The following ALPK3 variants were observed in gnomAD, a reference collection of about 807,000 sequenced individuals.
The protein encoded by ALPK3 is alpha kinase 3.
In ALPK3, 102 loss-of-function variants were observed where a neutral mutation model predicts 140.0. The ratio of observed to expected loss-of-function variants is 0.73; its 90% CI spans 0.62 to 0.86. ALPK3 has a LOEUF of 0.86. Ranked by LOEUF, ALPK3 falls within the 40% of genes least tolerant of loss-of-function variation. The pLI is 0.00. For missense variants in ALPK3, 2,254 were observed against 2,208.2 expected, an observed-to-expected ratio of 1.02 and a Z score of -0.42; for synonymous variants, 938 against 898.5, an observed-to-expected ratio of 1.04 and a Z score of -0.79.
In ALPK3 at chr15:84,858,072, G is replaced by T; in HGVS notation, c.3334G>T (p.Ala1112Ser). 1 of 1,569,394 alleles carries T rather than the reference G, an allele frequency of 6.4e-7. No homozygotes were observed. The highest frequency in any genetic ancestry group is 8.6e-7 in the Non-Finnish European group (1 of 1,160,948). ...GGGGGCCTCTCAGGAGAGCAGCATGGCTGGTCGACTGGGGGAGGCGGGTGG... is the reference window on the plus strand; with the variant it reads ...GGGGGCCTCTCAGGAGAGCAGCATGTCTGGTCGACTGGGGGAGGCGGGTGG... The part of the protein sequence containing the change: ...LLGASQESSM[A>S]GRLGEAGGQA... The change falls in exon 6 of 14, where the codon GCT (alanine) becomes TCT (serine). Residue 1112 changes from alanine to serine, a missense_variant. Physicochemically the swap from Ala to Ser is moderately conservative, Grantham distance 99. Coordinates refer to ENST00000258888, the MANE Select transcript of ALPK3 (RefSeq NM_020778.5).
chr15:84,840,156 C>A lies in ALPK3; in HGVS notation c.877C>A (p.Leu293Met), dbSNP rs377439661. ...ENGEDGEHGL[L>M]TYICDAMELG... ...TGGAGAGGACGGAGAGCATGGCTTG[C>A]TGACATACATCTGTGACGCCATGGA... The change falls in exon 5 of 14, where the codon CTG becomes ATG. Residue 293 changes from leucine to methionine, a missense_variant. Leu to Met is a conservative substitution (Grantham distance 15). Around this residue, in one of 3 missense-constraint regions of ALPK3, gnomAD observed 2,088 missense variants for 2,022.9 expected, o/e 1.03. Transcript: ENST00000258888. 2.4e-5 allele frequency: 39 copies of A among 1,613,674 alleles called. No homozygotes were observed. The highest frequency in any genetic ancestry group is 3.1e-5 in the Non-Finnish European group (37 of 1,179,914).
At chr15:84,865,179 G>T (rs1002034619) in intron 12 of ALPK3, among the ~76,000 whole-genome samples, 5 of 152,074 alleles carry the variant, frequency 3.3e-5, no homozygotes, top group African/African-American at 1.2e-4. Flanking sequence ...CCATTACCCA[G>T]AACTCCCCAA....
At position 84,856,471 on chromosome 15, in the gene ALPK3, C is replaced by T; in HGVS notation, c.1733C>T (p.Thr578Ile). 1 of 1,614,150 alleles carries T rather than the reference C, an allele frequency of 6.2e-7. No individual in the cohort carries two copies. Among genetic ancestry groups the T allele is most frequent in the African/African-American group, 1.3e-5 (1 of 75,038 alleles). ...GATGTAGCCTCCATTGGGGTTAGCA[C>T]TTCCGGAAGTCAAGGTATCATTGAA... ...SSDVASIGVS[T>I]SGSQGIIEPM... Residue 578 changes from threonine to isoleucine, a missense_variant, in exon 6 of 14, where the codon ACT becomes ATT. By Grantham distance (89) the Thr-to-Ile change is moderately conservative. Transcript: ENST00000258888.
chr15:84,851,751 A>C (rs1025948260), intron 5 of ALPK3, among the ~76,000 whole-genome samples: 1 of 152,118 alleles, frequency 6.6e-6, no homozygotes, highest in African/African-American at 2.4e-5. Context: ...AATTCATTGG[A>C]TCAATCCTGT....
At chr15:84,860,947 C>G (rs577513045) in intron 9 of ALPK3, among the ~76,000 whole-genome samples, 5 of 152,370 alleles carry the variant, frequency 3.3e-5, no homozygotes, top group African/African-American at 1.2e-4. Flanking sequence ...GTCTCGACCT[C>G]CTGACCTCAA....
rs932942182 is a variant in ALPK3, at chr15:84,857,790, G to A, written c.3052G>A (p.Val1018Met). Reference sequence around the variant, plus strand: ...GACATCGAGGCGCATCCTGGAGCGTGTGGAGAACAACCACCTGGTGCAGAG... The same window carrying A: ...GACATCGAGGCGCATCCTGGAGCGTATGGAGAACAACCACCTGGTGCAGAG... ...PRTSRRILER[V>M]ENNHLVQSAQ... The change falls in exon 6 of 14, where the codon GTG becomes ATG. Residue 1018 changes from valine (V) to methionine (M), a missense_variant. Coordinates refer to ENST00000258888, the MANE Select transcript of ALPK3 (RefSeq NM_020778.5). The A allele has an allele frequency of 6.2e-7, 1 of 1,612,096 alleles. No homozygotes were observed. Among genetic ancestry groups the A allele is most frequent in the Non-Finnish European group, 8.5e-7 (1 of 1,178,718 alleles).
In ALPK3 at chr15:84,817,514, G is replaced by T. The variant is rs1415475314; in HGVS notation, c.62G>T (p.Gly21Val). 193 of 1,477,992 alleles carry T rather than the reference G, an allele frequency of 1.3e-4. No individual in the cohort carries two copies. Among genetic ancestry groups the T allele is most frequent in the Non-Finnish European group, 1.6e-4 (185 of 1,121,388 alleles). 91.6% of individuals were successfully genotyped at this position (1,477,992 alleles called of 1,614,324 possible). A position where few individuals can be genotyped will look rare whatever the true frequency, so the allele number is the denominator to read the frequency against. The stretch of plus-strand genomic sequence containing the variant: ...GCGGGTGGGCGGTCGGGGGCGGGGG[G>T]CGACGGTGAGGACGACGGCCCCGTG... ...WGAGGRSGAG[G>V]DGEDDGPVWI... The change falls in exon 1 of 14, where the codon GGC (glycine) becomes GTC (valine). Residue 21 changes from glycine (G) to valine (V), a missense_variant. Physicochemically the swap from Gly to Val is moderately radical, Grantham distance 109. Around this residue, in one of 3 missense-constraint regions of ALPK3, gnomAD observed 2,088 missense variants for 2,022.9 expected, o/e 1.03. Transcript: ENST00000258888.
At chr15:84,850,657 GA>G (rs1461590239) in intron 5 of ALPK3, among the ~76,000 whole-genome samples, 5 of 152,164 alleles carry the variant, frequency 3.3e-5, no homozygotes, top group Non-Finnish European at 5.9e-5. Context: ...AAAGCACTGG[GA>G]TTCTAGACAT....
chr15:84,841,815 T>TG (rs963363171), intron 5 of ALPK3, among the ~76,000 whole-genome samples: 1 of 152,048 alleles, frequency 6.6e-6, no homozygotes, highest in African/African-American at 2.4e-5. Context: ...TTCAGGGGCT[T>TG]GGGGGGCATT....
At chr15:84,867,287 G>A (rs1313542094) in intron 12 of ALPK3, 30 bp from the exon 13 acceptor site, 1 of 1,603,010 alleles carries the variant, frequency 6.2e-7, no homozygotes, top group South Asian at 1.1e-5. Context: ...GCCCAGACTG[G>A]CATCAACTCC....
At chr15:84,832,250 T>G (rs1486081689) in intron 3 of ALPK3, among the ~76,000 whole-genome samples, 1 of 152,212 alleles carries the variant, frequency 6.6e-6, no homozygotes, top group African/African-American at 2.4e-5. Flanking sequence ...AGTTCTCAGT[T>G]TTCTCCACTG....
intron 12 of ALPK3, among the ~76,000 whole-genome samples, chr15:84,866,727 T>C (rs932756803): frequency 6.6e-5 from 10 of 152,226 alleles, no homozygotes. Context: ...CAGAAGCCAG[T>C]CTTCTGTAGT....
intron 5 of ALPK3, among the ~76,000 whole-genome samples, chr15:84,855,466 G>A (rs978319221): frequency 6.6e-6 from 1 of 152,090 alleles, no homozygotes; most frequent in African/African-American, 2.4e-5. Flanking sequence ...AGTTTGCTTT[G>A]TTTATTTCAT....
At chr15:84,829,234 G>A (rs1222858559) in intron 3 of ALPK3, among the ~76,000 whole-genome samples, 2 of 152,118 alleles carry the variant, frequency 1.3e-5, no homozygotes, top group Non-Finnish European at 2.9e-5. Flanking sequence ...TTGTCTTCCT[G>A]TTATGGTAGA....
rs760060304 is a variant in ALPK3, at chr15:84,862,901, G to A, written c.4396G>A (p.Asp1466Asn). 11 of 1,613,612 alleles carry A rather than the reference G, an allele frequency of 6.8e-6. No individual in the cohort carries two copies. The highest frequency in any genetic ancestry group is 4.0e-5 in the African/African-American group (3 of 74,896). Residue 1466 changes from aspartate to asparagine, a missense_variant, in exon 10 of 14, where the codon GAC becomes AAC. By Grantham distance (23) the Asp-to-Asn change is conservative. Around this residue, in one of 3 missense-constraint regions of ALPK3, gnomAD observed 2,088 missense variants for 2,022.9 expected, o/e 1.03. Transcript: ENST00000258888. ...SETSLVGRNY[D>N]VTIQGCKIQN... ...GACTTCTCTTGTGGGCAGAAACTAC[G>A]ACGTCACCATCCAGGTACTATGTCC...
At chr15:84,824,977 T>C (rs1422252802) in intron 2 of ALPK3, among the ~76,000 whole-genome samples, 1 of 152,004 alleles carries the variant, frequency 6.6e-6, no homozygotes, top group Non-Finnish European at 1.5e-5. Flanking sequence ...ATACAGTGAC[T>C]CTCCCTGTGC....
At chr15:84,838,724 A>G (rs1180707403) in intron 3 of ALPK3, among the ~76,000 whole-genome samples, 1 of 151,728 alleles carries the variant, frequency 6.6e-6, no homozygotes, top group Non-Finnish European at 1.5e-5. Flanking sequence ...GGTTCAAGCG[A>G]TTCTCCTGCC....
chr15:84,823,420 GC>G (rs1356996999), intron 2 of ALPK3, 52 bp downstream of exon 2: 11 of 1,598,254 alleles, frequency 6.9e-6, no homozygotes, highest in Non-Finnish European at 9.4e-6. Context: ...TTGGGTCTGG[GC>G]ATTGAGGGGC....
In ALPK3 at chr15:84,857,386, C is replaced by T. The variant is rs771710451; in HGVS notation, c.2648C>T (p.Pro883Leu). ...CTGACAGCTAGCCCAAAGGCGGGGC[C>T]GTGTAGCACCCCGACTTCTCAGCAC... is the stretch of plus-strand genomic sequence containing the variant. ...TGLTASPKAGPCSTPTSQHGS... is the reference protein window; with the variant it reads ...TGLTASPKAGLCSTPTSQHGS... Residue 883 changes from proline to leucine, a missense_variant, in exon 6 of 14, where the codon CCG (proline) becomes CTG (leucine). By Grantham distance (98) the Pro-to-Leu change is moderately conservative. Transcript: ENST00000258888. 2.7e-5 allele frequency: 44 copies of T among 1,613,978 alleles called. No homozygotes were observed. The highest frequency in any genetic ancestry group is 2.2e-4 in the East Asian group (10 of 44,906).
Sources: gnomAD v4.1 joint callset for allele counts (sites outside exome capture counted in the v4.1 genomes callset) on GRCh38, gnomAD v4.1.1 for gene constraint, gnomAD v4.1.1 regional missense constraint, MANE v1.5 for transcripts, NCBI Gene and HGNC (gene_info 2026-07-23, HGNC 2026-07-21) for gene names.